The following USP49 variants were observed in gnomAD, a reference collection of about 807,000 sequenced individuals.
USP49 encodes the protein ubiquitin carboxyl-terminal hydrolase 49.
In USP49, 24 loss-of-function variants were observed where a neutral mutation model predicts 58.6. The observed-to-expected ratio is 0.41, with a 90% CI of 0.30 to 0.58. The LOEUF (loss-of-function observed/expected upper bound fraction) is 0.58, where lower values mean the gene tolerates loss of function less well. USP49 is among the 20% of genes least tolerant of loss of function. The pLI is 0.30. For missense variants in USP49, 703 were observed against 866.1 expected (o/e 0.81, Z 2.36); for synonymous variants, 408 against 365.1 (o/e 1.12, Z -1.34).
At chr6:41,876,051 A>G (rs1391996604) in intron 2 of USP49, among the ~76,000 whole-genome samples, 8 of 152,202 alleles carry the variant, frequency 5.3e-5, no homozygotes, top group Admixed American at 4.6e-4. Flanking sequence ...TCAATCTATA[A>G]GCTCACATAG....
At chr6:41,833,570 T>A (rs1055411114) in intron 3 of USP49, among the ~76,000 whole-genome samples, 1 of 152,216 alleles carries the variant, frequency 6.6e-6, no homozygotes, top group African/African-American at 2.4e-5. Context: ...TTTGAAAGAT[T>A]TTAGAAAAGT....
intron 3 of USP49, among the ~76,000 whole-genome samples, chr6:41,849,464 T>C (rs1483673429): frequency 6.6e-6 from 1 of 152,138 alleles, no homozygotes; most frequent in South Asian, 2.1e-4. Context: ...TAGACATATA[T>C]AGAGAACTCT....
At chr6:41,811,433 A>G (rs1773255805) in intron 3 of USP49, among the ~76,000 whole-genome samples, 1 of 152,156 alleles carries the variant, frequency 6.6e-6, no homozygotes. Flanking sequence ...CTCATTTAAA[A>G]ACTAAACTTT....
chr6:41,811,845 A>G (rs1370757747), intron 3 of USP49, among the ~76,000 whole-genome samples: 1 of 152,190 alleles, frequency 6.6e-6, no homozygotes, highest in African/African-American at 2.4e-5. Context: ...GATGCTTACA[A>G]CTAATTCCTG....
In USP49 at chr6:41,806,593, G is replaced by C. The variant is rs781136811; in HGVS notation, c.391C>G (p.Arg131Gly). 1.9e-6 allele frequency: 3 copies of C among 1,606,084 alleles called. No individual in the cohort carries two copies. Among genetic ancestry groups the C allele is most frequent in the Admixed American group, 3.3e-5 (2 of 59,852 alleles). Residue 131 changes from arginine (R) to glycine (G), a missense_variant, in exon 4 of 8, where the codon CGC (arginine) becomes GGC (glycine). Around this residue, in one of 6 missense-constraint regions of USP49, gnomAD observed 376 missense variants for 373.5 expected, o/e 1.01. Transcript: ENST00000682992. The surrounding 1 kb of genome is among the most constrained non-coding windows in gnomAD (Gnocchi z 5.9). ...ATCTGCGGCTGTCCCTGAGGAGCGCGCTGCGGCAGGACCACGTCCTCACCC... is the reference window on the plus strand; with the variant it reads ...ATCTGCGGCTGTCCCTGAGGAGCGCCCTGCGGCAGGACCACGTCCTCACCC... The part of the protein sequence containing the change: ...ASGEDVVLPQ[R>G]APQGQPQMLT...
At chr6:41,809,480 G>A (rs1021215348) in intron 3 of USP49, among the ~76,000 whole-genome samples, 1 of 151,822 alleles carries the variant, frequency 6.6e-6, no homozygotes, top group African/African-American at 2.4e-5. Flanking sequence ...AGCCAAGATC[G>A]CGCCATTGCA....
At chr6:41,843,189 T>C (rs1773857860) in intron 3 of USP49, among the ~76,000 whole-genome samples, 1 of 152,236 alleles carries the variant, frequency 6.6e-6, no homozygotes, top group Non-Finnish European at 1.5e-5. Flanking sequence ...ATGTGTCTTC[T>C]TATCCTACCA....
intron 3 of USP49, among the ~76,000 whole-genome samples, chr6:41,816,017 T>C (rs990466563): frequency 2.0e-5 from 3 of 152,230 alleles, no homozygotes; most frequent in African/African-American, 4.8e-5. Flanking sequence ...CCTGTGGCCA[T>C]GCAGGGAAAT....
chr6:41,850,417 T>A (rs542871553), intron 3 of USP49, among the ~76,000 whole-genome samples: 1 of 148,324 alleles, frequency 6.7e-6, no homozygotes, highest in East Asian at 2.0e-4. Flanking sequence ...CACTCCAGCC[T>A]GGGCAACAGA....
At chr6:41,808,736 T>A (rs1000583045) in intron 3 of USP49, among the ~76,000 whole-genome samples, 2 of 151,656 alleles carry the variant, frequency 1.3e-5, no homozygotes, top group African/African-American at 2.4e-5. Flanking sequence ...AAAAGAAAAC[T>A]TTTATATCTT....
At chr6:41,810,300 G>A (rs1773232128) in intron 3 of USP49, among the ~76,000 whole-genome samples, 1 of 150,646 alleles carries the variant, frequency 6.6e-6, no homozygotes. Flanking sequence ...AGCCAACATG[G>A]TGAAACCCCG....
Position 41,797,207 on chromosome 6 carries a change from G to A in USP49, c.1877-484C>T, listed in dbSNP as rs371815854. Among the ~76,000 whole-genome samples, 217 of 152,152 alleles carry A rather than the reference G, an allele frequency of 1.4e-3. 4 individuals are homozygous for A. In the South Asian group the frequency reaches 0.043, roughly 30 times the overall value. On this transcript the variant is annotated intron_variant, in intron 7 of 7. Coordinates refer to ENST00000682992, the MANE Select transcript of USP49 (RefSeq NM_001286554.2). ...GACCTCCTGACCTCGTGATCCGCCC[G>A]CCTCGGCCTCCCAGAGTGCTGGGAT...
At chr6:41,819,197 A>T (rs978663405) in intron 3 of USP49, among the ~76,000 whole-genome samples, 11 of 151,938 alleles carry the variant, frequency 7.2e-5, no homozygotes, top group Admixed American at 2.0e-4. Flanking sequence ...ATACAATAAA[A>T]CCTGTAAGGG....
At chr6:41,845,644 A>T (rs1030769417) in intron 3 of USP49, among the ~76,000 whole-genome samples, 1 of 151,932 alleles carries the variant, frequency 6.6e-6, no homozygotes, top group Non-Finnish European at 1.5e-5. Flanking sequence ...TTATGATCAC[A>T]CCTGAGAATA....
rs967163674 is a variant in USP49, at chr6:41,796,439, A to C, written c.*94T>G. The C allele has an allele frequency of 2.7e-5, 17 of 637,822 alleles. No homozygotes were observed. Among genetic ancestry groups the C allele is most frequent in the Non-Finnish European group, 4.9e-5 (17 of 347,120 alleles). 39.5% of individuals were successfully genotyped at this position (637,822 alleles called of 1,614,324 possible). A position where few individuals can be genotyped will look rare whatever the true frequency, so the allele number is the denominator to read the frequency against. On this transcript the variant is annotated 3_prime_UTR_variant, in exon 8 of 8. Transcript: ENST00000682992. ...ACTCTAGACCCAGCAAGGCAAACCT[A>C]GTAATCTGTTCCTGCAGTAGCCTTA... is the stretch of plus-strand genomic sequence containing the variant.
intron 1 of USP49, among the ~76,000 whole-genome samples, chr6:41,893,082 G>C (rs1337212217): frequency 6.6e-6 from 1 of 152,108 alleles, no homozygotes; most frequent in Non-Finnish European, 1.5e-5. Context: ...AACACGAAAG[G>C]CAGTGGAGCT....
At chr6:41,824,448 T>C (rs1773503926) in intron 3 of USP49, among the ~76,000 whole-genome samples, 1 of 150,580 alleles carries the variant, frequency 6.6e-6, no homozygotes, top group Non-Finnish European at 1.5e-5. Context: ...CAGTGGCTTA[T>C]GCCTGTAATC....
At chr6:41,876,166 C>A (rs184673966) in intron 2 of USP49, among the ~76,000 whole-genome samples, 1 of 152,156 alleles carries the variant, frequency 6.6e-6, no homozygotes. Context: ...AGTGTTTCCA[C>A]GCACATCCCC....
Position 41,895,096 on chromosome 6 carries a change from C to T in USP49, c.-185+228G>A, listed in dbSNP as rs1204228609. 2.7e-5 allele frequency among the ~76,000 whole-genome samples: 4 copies of T among 148,624 alleles called. No homozygotes were observed. In the East Asian group the frequency reaches 7.8e-4, roughly 29 times the overall value. The stretch of plus-strand genomic sequence containing the variant: ...CGCCCCCTGCCGCCGCTCCTCCCGC[C>T]CGCGAGGCGCGCGCTGCCTTTGTCG... On this transcript the variant is annotated intron_variant, in intron 1 of 7. Transcript: ENST00000682992.
Sources: allele counts gnomAD v4.1 joint callset (sites outside exome capture counted in the v4.1 genomes callset), GRCh38; gene constraint gnomAD v4.1.1; regional missense constraint gnomAD v4.1.1; non-coding constraint Gnocchi (gnomAD v3.1); transcripts MANE v1.5; gene names NCBI Gene and HGNC (gene_info 2026-07-23, HGNC 2026-07-21).